The following CCDC150 variants were observed in gnomAD, a reference collection of about 807,000 sequenced individuals.
The protein encoded by CCDC150 is coiled-coil domain-containing protein 150.
A neutral mutation model predicts 156.5 loss-of-function variants in CCDC150; 151 were observed. That is an observed-to-expected ratio of 0.97 (90% CI 0.85 to 1.10). CCDC150 has a LOEUF of 1.10. CCDC150 is among the 50% of genes least tolerant of loss of function. The pLI, the probability that CCDC150 is intolerant of heterozygous loss-of-function variation, is 0.00. For synonymous variants in CCDC150, 452 were observed against 429.4 expected, an observed-to-expected ratio of 1.05 and a Z score of -0.65; for missense variants, 1,312 against 1,268.1, an observed-to-expected ratio of 1.03 and a Z score of -0.53.
intron 2 of CCDC150, among the ~76,000 whole-genome samples, chr2:196,653,391 C>G (rs557655948): frequency 1.8e-4 from 27 of 152,316 alleles, no homozygotes; most frequent in African/African-American, 6.5e-4. Flanking sequence ...TTACAGATTT[C>G]TTCTGCTGGA....
At position 196,712,209 on chromosome 2, in the gene CCDC150, A is replaced by G. The variant is rs376098778; in HGVS notation, c.1760A>G (p.His587Arg). ...ACTGACACCAGCTTACAGAATGATC[A>G]TCTACGCAAGATGAATAAGTATTTA... ...SFTDTSLQND[H>R]LRKMNKYLQT... is the part of the protein sequence containing the mutation. The change falls in exon 16 of 28, where the codon CAT (histidine) becomes CGT (arginine). Residue 587 changes from histidine to arginine, a missense_variant. Coordinates refer to ENST00000389175, the MANE Select transcript of CCDC150 (RefSeq NM_001080539.2). 4 of 1,582,682 alleles carry G rather than the reference A, an allele frequency of 2.5e-6. No individual in the cohort carries two copies. The highest frequency in any genetic ancestry group is 3.4e-6 in the Non-Finnish European group (4 of 1,161,436).
intron 5 of CCDC150, among the ~76,000 whole-genome samples, chr2:196,663,700 TTG>T (rs1208522081): frequency 1.3e-4 from 20 of 152,274 alleles, no homozygotes; most frequent in Non-Finnish European, 2.5e-4. Context: ...ATGAGCAATC[TTG>T]TAACAGTCAT....
chr2:196,710,795 AAT>A (rs1404899648), intron 15 of CCDC150, among the ~76,000 whole-genome samples: 1 of 152,224 alleles, frequency 6.6e-6, no homozygotes, highest in Non-Finnish European at 1.5e-5. Context: ...GATTCAGCAA[AAT>A]AGTTAACTGT....
intron 15 of CCDC150, among the ~76,000 whole-genome samples, chr2:196,704,369 A>G (rs750396705): frequency 2.6e-5 from 4 of 152,184 alleles, no homozygotes; most frequent in Non-Finnish European, 4.4e-5. Context: ...ATTGCTTGCA[A>G]ATAATAACAA....
At chr2:196,643,688 C>T (rs561910950) in intron 1 of CCDC150, among the ~76,000 whole-genome samples, 1 of 152,258 alleles carries the variant, frequency 6.6e-6, no homozygotes, top group African/African-American at 2.4e-5. Context: ...ATGTGCTTGG[C>T]TTCTGATATA....
rs866417868 is a variant in CCDC150, at chr2:196,666,755, GA to G, written c.800del (p.Asp267ValfsTer31). 5 of 1,611,264 alleles carry G rather than the reference GA, an allele frequency of 3.1e-6. No individual in the cohort carries two copies. Among genetic ancestry groups the G allele is most frequent in the Non-Finnish European group, 3.4e-6 (4 of 1,178,778 alleles). On this transcript the variant is annotated frameshift_variant, in exon 7 of 28. Transcript: ENST00000389175. LOFTEE classifies it high-confidence loss of function. ...GCAGCAAAACTGCATTGCTCTACGT[GA>G]TTCTATACAGAGCGCTCAAGAACTA... ...ILQQNCIALR[D>X]SIQSAQELLA... is the part of the protein sequence containing the mutation.
Position 196,676,735 on chromosome 2 carries a change from G to A in CCDC150, c.1440+4G>A. The A allele has an allele frequency of 6.2e-7, 1 of 1,605,774 alleles. No individual in the cohort carries two copies. Among genetic ancestry groups the A allele is most frequent in the Non-Finnish European group, 8.5e-7 (1 of 1,174,990 alleles). On this transcript the variant is annotated splice_donor_region_variant and intron_variant, in intron 12 of 27. Coordinates refer to ENST00000389175, the MANE Select transcript of CCDC150 (RefSeq NM_001080539.2). ...GAAAGAAAGATTTCAGAGGGAGGTA[G>A]GTAGAAGCAAATTTACATTATCTTC...
chr2:196,700,195 A>G (rs1370380887), intron 14 of CCDC150, among the ~76,000 whole-genome samples: 1 of 152,248 alleles, frequency 6.6e-6, no homozygotes, highest in African/African-American at 2.4e-5. Flanking sequence ...ACCAACATTA[A>G]TAAGACTTTG....
At chr2:196,717,903 G>A (rs1697635056) in intron 17 of CCDC150, among the ~76,000 whole-genome samples, 1 of 145,938 alleles carries the variant, frequency 6.9e-6, no homozygotes. Flanking sequence ...AAAAAAAAAA[G>A]CAGGATGAAG....
At chr2:196,691,305 T>C (rs1695456533) in intron 13 of CCDC150, among the ~76,000 whole-genome samples, 1 of 152,214 alleles carries the variant, frequency 6.6e-6, no homozygotes, top group African/African-American at 2.4e-5. Context: ...TTTGTACCTG[T>C]GATAGAATTC....
Position 196,654,511 on chromosome 2 carries a change from C to T in CCDC150, c.177-2122C>T, listed in dbSNP as rs76193305. 6.4e-4 allele frequency among the ~76,000 whole-genome samples: 98 copies of T among 152,084 alleles called. 2 individuals carry two copies. The East Asian group carries it at 0.017, about 27-fold the overall frequency. ...CATCAGGTTTACTTATTCACTTCCA[C>T]TTCATATAGTCTGCCATTGAACCCC... On this transcript the variant is annotated intron_variant, in intron 2 of 27. Transcript: ENST00000389175.
intron 13 of CCDC150, among the ~76,000 whole-genome samples, chr2:196,692,381 G>A (rs181929826): frequency 1.3e-4 from 20 of 151,716 alleles, no homozygotes; most frequent in African/African-American, 3.4e-4. Context: ...TGATCCACCC[G>A]CCTCAGCCTC....
At chr2:196,669,915 C>T in intron 8 of CCDC150, 39 bp downstream of exon 8, 1 of 1,448,322 alleles carries the variant, frequency 6.9e-7, no homozygotes, top group East Asian at 2.3e-5. Flanking sequence ...GTGGTCTTTC[C>T]TCTCTTCACT....
At chr2:196,663,215 G>C (rs959563783) in intron 5 of CCDC150, among the ~76,000 whole-genome samples, 1 of 152,176 alleles carries the variant, frequency 6.6e-6, no homozygotes, top group South Asian at 2.1e-4. Flanking sequence ...ACTCAGCCTG[G>C]CTGACACAGT....
At chr2:196,715,955 A>G (rs1364742021) in intron 17 of CCDC150, among the ~76,000 whole-genome samples, 1 of 152,226 alleles carries the variant, frequency 6.6e-6, no homozygotes, top group Non-Finnish European at 1.5e-5. Context: ...TGCAAATCAC[A>G]TATCTGATTA....
At chr2:196,644,152 C>T (rs1325035523) in intron 1 of CCDC150, among the ~76,000 whole-genome samples, 2 of 152,130 alleles carry the variant, frequency 1.3e-5, no homozygotes, top group Non-Finnish European at 2.9e-5. Context: ...TTGCAAACTT[C>T]TGCCCAAAGT....
rs143927817 is a variant in CCDC150, at chr2:196,670,962, C to T, written c.936+1086C>T. Among the ~76,000 whole-genome samples the T allele has an allele frequency of 3.8e-3, 582 of 152,170 alleles. 11 individuals are homozygous for T. Among genetic ancestry groups the T allele is most frequent in the Admixed American group, 0.035 (527 of 15,256 alleles). On this transcript the variant is annotated intron_variant, in intron 8 of 27. Transcript: ENST00000389175. ...TTCATGCATAGCCTTCCTCATTAGCCGTTTGATGGATGTCCATTTAAAAAA... is the reference window on the plus strand; with the variant it reads ...TTCATGCATAGCCTTCCTCATTAGCTGTTTGATGGATGTCCATTTAAAAAA...
At chr2:196,657,334 G>A (rs1432212537) in intron 4 of CCDC150, 198 bp downstream of exon 4, 6 of 537,898 alleles carry the variant, frequency 1.1e-5, no homozygotes, top group Admixed American at 3.2e-5. Context: ...TGCTATCTGT[G>A]ATTGATTATT....
intron 5 of CCDC150, among the ~76,000 whole-genome samples, chr2:196,659,620 A>C (rs1197054243): frequency 6.6e-6 from 1 of 152,166 alleles, no homozygotes; most frequent in Non-Finnish European, 1.5e-5. Context: ...ATTACTGATA[A>C]AAGCTTGATG....
Sources: allele counts gnomAD v4.1 joint callset (sites outside exome capture counted in the v4.1 genomes callset), GRCh38; gene constraint gnomAD v4.1.1; transcripts MANE v1.5; gene names NCBI Gene and HGNC (gene_info 2026-07-23, HGNC 2026-07-21).